Variants in IL18RAP observed in about 807,000 individuals in gnomAD.
The protein encoded by IL18RAP is interleukin 18 receptor accessory protein, also known as interleukin-18 receptor accessory protein.
In IL18RAP, 37 loss-of-function variants were observed where a neutral mutation model predicts 58.1. The observed-to-expected ratio is 0.64, with a 90% CI of 0.49 to 0.84. The LOEUF (loss-of-function observed/expected upper bound fraction) is 0.84. Among genes scored for constraint, IL18RAP ranks in the 40% least tolerant of loss-of-function variants. The pLI, the probability that IL18RAP is intolerant of heterozygous loss-of-function variation, is 0.00. For missense variants in IL18RAP, 667 were observed against 704.8 expected (o/e 0.95, Z 0.61); for synonymous variants, 268 against 257.5 (o/e 1.04, Z -0.39).
chr2:102,446,645 A>T (rs1327844703), intron 7 of IL18RAP, among the ~76,000 whole-genome samples: 1 of 152,018 alleles, frequency 6.6e-6, no homozygotes, highest in East Asian at 1.9e-4. Flanking sequence ...TAAAAATACA[A>T]AAAAAATTAG....
intron 3 of IL18RAP, among the ~76,000 whole-genome samples, chr2:102,424,780 A>G (rs905683457): frequency 6.6e-6 from 1 of 152,226 alleles, no homozygotes; most frequent in African/African-American, 2.4e-5. Context: ...GGAGGACTCA[A>G]CACATAAGTC....
intron 7 of IL18RAP, among the ~76,000 whole-genome samples, chr2:102,446,532 T>C (rs1382440365): frequency 6.6e-6 from 1 of 152,216 alleles, no homozygotes; most frequent in Non-Finnish European, 1.5e-5. Flanking sequence ...AGCTCCCATT[T>C]ATAAGTGAAA....
At chr2:102,436,497 C>T (rs1682747406) in intron 3 of IL18RAP, among the ~76,000 whole-genome samples, 1 of 152,154 alleles carries the variant, frequency 6.6e-6, no homozygotes, top group Non-Finnish European at 1.5e-5. Flanking sequence ...TCCTTTCCAG[C>T]CTGCTGGAAA....
intron 1 of IL18RAP, among the ~76,000 whole-genome samples, 179 bp downstream of exon 1, chr2:102,423,526 C>T (rs377731237): frequency 4.6e-5 from 7 of 152,104 alleles, no homozygotes; most frequent in African/African-American, 1.2e-4. Flanking sequence ...CAAGCATTGT[C>T]GAGGTACCCT....
intron 7 of IL18RAP, 133 bp from the exon 8 acceptor site, chr2:102,446,937 T>C: frequency 1.1e-6 from 1 of 939,290 alleles, no homozygotes; most frequent in Non-Finnish European, 1.6e-6. Flanking sequence ...CAAAAACTGC[T>C]GCTAGTGGCA....
chr2:102,429,643 T>C (rs1332014872), intron 3 of IL18RAP, among the ~76,000 whole-genome samples: 1 of 151,948 alleles, frequency 6.6e-6, no homozygotes, highest in African/African-American at 2.4e-5. Context: ...TTTTCTAACA[T>C]CTTTCTGTGT....
intron 8 of IL18RAP, among the ~76,000 whole-genome samples, chr2:102,447,782 G>A (rs984005401): frequency 1.3e-5 from 2 of 151,944 alleles, no homozygotes; most frequent in Non-Finnish European, 2.9e-5. Context: ...CCAGGCTGGA[G>A]TGCGGTGGCA....
At chr2:102,444,142 A>G (rs1339517477) in intron 6 of IL18RAP, among the ~76,000 whole-genome samples, 2 of 152,220 alleles carry the variant, frequency 1.3e-5, no homozygotes, top group Non-Finnish European at 2.9e-5. Context: ...ACAGATATCA[A>G]TAAGAAAATG....
At chr2:102,427,091 T>A (rs1376195675) in intron 3 of IL18RAP, among the ~76,000 whole-genome samples, 1 of 152,202 alleles carries the variant, frequency 6.6e-6, no homozygotes, top group African/African-American at 2.4e-5. Context: ...AATTTCCTTT[T>A]GTAAAGGCTG....
intron 3 of IL18RAP, among the ~76,000 whole-genome samples, chr2:102,428,261 G>T (rs1391632977): frequency 6.6e-6 from 1 of 151,542 alleles, no homozygotes; most frequent in Non-Finnish European, 1.5e-5. Context: ...GATAGGGTTT[G>T]CATTGAATGT....
At chr2:102,444,407 T>C (rs1337065128) in intron 6 of IL18RAP, among the ~76,000 whole-genome samples, 1 of 152,166 alleles carries the variant, frequency 6.6e-6, no homozygotes, top group African/African-American at 2.4e-5. Flanking sequence ...CCATCACCCA[T>C]TGATAATCTA....
Position 102,424,380 on chromosome 2 carries a change from G to A in IL18RAP, c.545G>A (p.Ser182Asn), listed in dbSNP as rs916735169. ...SISCPSLSCQ[S>N]DAQSPAVTWY... is the part of the protein sequence containing the mutation. Reference sequence around the variant, plus strand: ...TCTTGCCCCAGTCTCAGCTGCCAAAGTGATGCACAAAGTCCAGCGGTAACC... The same window carrying A: ...TCTTGCCCCAGTCTCAGCTGCCAAAATGATGCACAAAGTCCAGCGGTAACC... Residue 182 changes from serine to asparagine, a missense_variant, in exon 3 of 10, where the codon AGT (serine) becomes AAT (asparagine). Coordinates refer to ENST00000687160, the MANE Select transcript of IL18RAP (RefSeq NM_001393487.1). The A allele has an allele frequency of 6.2e-7, 1 of 1,614,070 alleles. No homozygotes were observed. Among genetic ancestry groups the A allele is most frequent in the Middle Eastern group, 1.6e-4 (1 of 6,062 alleles).
chr2:102,446,190 T>C (rs779250350), intron 7 of IL18RAP, among the ~76,000 whole-genome samples: 4 of 151,974 alleles, frequency 2.6e-5, no homozygotes, highest in Non-Finnish European at 4.4e-5. Context: ...GGGGAAAAAA[T>C]AAAAGGAATA....
At chr2:102,430,993 T>C (rs1019956579) in intron 3 of IL18RAP, among the ~76,000 whole-genome samples, 17 of 152,228 alleles carry the variant, frequency 1.1e-4, no homozygotes, top group African/African-American at 4.1e-4. Flanking sequence ...TAATGAATTA[T>C]GAATATGACT....
rs1309553153 is a variant in IL18RAP at position 102,451,015 on chromosome 2, G to A, written c.1378G>A (p.Gly460Arg). ...TTTGCTTGAAAGAGATGTGGCTCCA[G>A]GAGGAGGTAAGTCCAACATGTCAAG... ...LCLLERDVAPGGVYAEDIVSI... is the reference protein window; with the variant it reads ...LCLLERDVAPRGVYAEDIVSI... The change falls in exon 9 of 10, where the codon GGA (glycine) becomes AGA (arginine). Residue 460 changes from glycine to arginine, a missense_variant. By Grantham distance (125) the Gly-to-Arg change is moderately radical. Transcript: ENST00000687160. The A allele has an allele frequency of 6.3e-7, 1 of 1,593,022 alleles. No individual in the cohort carries two copies. Among genetic ancestry groups the A allele is most frequent in the Non-Finnish European group, 8.5e-7 (1 of 1,171,366 alleles).
chr2:102,449,354 G>A (rs1446025852), intron 8 of IL18RAP, among the ~76,000 whole-genome samples: 1 of 152,128 alleles, frequency 6.6e-6, no homozygotes, highest in African/African-American at 2.4e-5. Flanking sequence ...TAAGAGAAAT[G>A]TTTTTAAGAT....
chr2:102,443,246 G>C lies in IL18RAP; in HGVS notation c.843G>C (p.Arg281Ser). ...GCAAAGCACGATTTGGCTTTGAAAG[G>C]GTCTTTAACCCTGTCATAAAATGGT... is the stretch of plus-strand genomic sequence containing the variant. ...ISCKARFGFE[R>S]VFNPVIKWYI... Residue 281 changes from arginine (R) to serine (S), a missense_variant, in exon 6 of 10, where the codon AGG becomes AGC. Physicochemically the swap from Arg to Ser is moderately radical, Grantham distance 110. Coordinates refer to ENST00000687160, the MANE Select transcript of IL18RAP (RefSeq NM_001393487.1). 6.2e-7 allele frequency: 1 copy of C among 1,613,726 alleles called. No individual in the cohort carries two copies. The highest frequency in any genetic ancestry group is 8.5e-7 in the Non-Finnish European group (1 of 1,179,840).
rs140183707 is a variant in IL18RAP, at chr2:102,450,870, C to T, written c.1233C>T (p.Phe411=). 136 of 1,602,344 alleles carry T rather than the reference C, an allele frequency of 8.5e-5. No homozygotes were observed. Among genetic ancestry groups the T allele is most frequent in the East Asian group, 5.1e-4 (23 of 44,748 alleles). Residue 411 remains phenylalanine (F), a synonymous_variant, in exon 9 of 10, where the codon TTC becomes TTT. Transcript: ENST00000687160. ...CAGATAAAAAGGATTTTGATGCTTTCGTATCCTATGCAAAATGGAGCTCTT... is the reference window on the plus strand; with the variant it reads ...CAGATAAAAAGGATTTTGATGCTTTTGTATCCTATGCAAAATGGAGCTCTT... ...TLGDKKDFDA[F]VSYAKWSSFP...
At chr2:102,420,580 C>T (rs989739648), upstream of IL18RAP, among the ~76,000 whole-genome samples, 5 of 152,186 alleles carry the variant, frequency 3.3e-5, no homozygotes. Context: ...ATCGTGGTAA[C>T]TAATTTGCTA....
Sources: gnomAD v4.1 joint callset for allele counts (sites outside exome capture counted in the v4.1 genomes callset) on GRCh38, gnomAD v4.1.1 for gene constraint, MANE v1.5 for transcripts, NCBI Gene and HGNC (gene_info 2026-07-23, HGNC 2026-07-21) for gene names.